PTPRZ1: variants seen among roughly 807,000 people sequenced by gnomAD.
PTPRZ1 encodes the protein receptor-type tyrosine-protein phosphatase zeta.
PTPRZ1 carries 82 observed loss-of-function variants against 214.1 expected under a neutral mutation model. The observed-to-expected ratio is 0.38, with a 90% CI of 0.32 to 0.46. The LOEUF is 0.46. PTPRZ1 is among the 20% of genes least tolerant of loss of function. The probability of loss-of-function intolerance (pLI) is 1.00; values close to 1 mark genes in which losing one functional copy is unlikely to be tolerated. For missense variants in PTPRZ1, 2,603 were observed against 2,748.7 expected (o/e 0.95, Z 1.19); for synonymous variants, 945 against 987.9 (o/e 0.96, Z 0.81).
intron 2 of PTPRZ1, among the ~76,000 whole-genome samples, chr7:121,931,438 T>G (rs1328657852): frequency 6.6e-6 from 1 of 152,132 alleles, no homozygotes; most frequent in Non-Finnish European, 1.5e-5. Context: ...CAAACTTTAA[T>G]GCACCCTCCA....
At chr7:122,022,461 A>C (rs951632089) in intron 13 of PTPRZ1, among the ~76,000 whole-genome samples, 8 of 152,224 alleles carry the variant, frequency 5.3e-5, no homozygotes, top group African/African-American at 1.9e-4. Context: ...GGGAGAAGGC[A>C]GAAGGAAGAA....
intron 13 of PTPRZ1, 87 bp from the exon 14 acceptor site, chr7:122,028,465 G>T (rs900409231): frequency 8.2e-6 from 8 of 980,434 alleles, no homozygotes; most frequent in Non-Finnish European, 1.1e-5. Context: ...TAATTCTGGA[G>T]ATTTCTATCA....
rs111392652 is a variant in PTPRZ1 at position 121,905,918 on chromosome 7, A to G, written c.59-22238A>G. 2.5e-3 allele frequency among the ~76,000 whole-genome samples: 377 copies of G among 152,258 alleles called. 1 individual carries two copies. Among genetic ancestry groups the G allele is most frequent in the African/African-American group, 8.4e-3 (351 of 41,552 alleles). On this transcript the variant is annotated intron_variant, in intron 1 of 29. Coordinates refer to ENST00000393386, the MANE Select transcript of PTPRZ1 (RefSeq NM_002851.3). Reference sequence around the variant, plus strand: ...GTTTTTGGCATAATTTACAAGAGGCACTGATGATAGTGAGTACAAGTAGGT... The same window carrying G: ...GTTTTTGGCATAATTTACAAGAGGCGCTGATGATAGTGAGTACAAGTAGGT...
intron 1 of PTPRZ1, among the ~76,000 whole-genome samples, chr7:121,897,204 G>C (rs1447965312): frequency 1.3e-5 from 2 of 152,134 alleles, no homozygotes; most frequent in Non-Finnish European, 2.9e-5. Context: ...ATAAGTGGAA[G>C]GTAACAGAAC....
intron 21 of PTPRZ1, among the ~76,000 whole-genome samples, chr7:122,041,424 G>A (rs1799730019): frequency 6.7e-6 from 1 of 149,932 alleles, no homozygotes; most frequent in Admixed American, 6.6e-5. Context: ...GAGAAATTTG[G>A]CAAAATATAT....
chr7:121,954,294 G>C (rs966076154), intron 2 of PTPRZ1, among the ~76,000 whole-genome samples: 1 of 152,016 alleles, frequency 6.6e-6, no homozygotes, highest in African/African-American at 2.4e-5. Context: ...TAAAGCCCTT[G>C]TTCTGGCATG....
At position 122,016,818 on chromosome 7, in the gene PTPRZ1, G is replaced by T. The variant is rs942160966; in HGVS notation, c.4844-2306G>T. ...GCTTTGAAAATTTGTGGCTATTGAA[G>T]ACCTGCATAATTATATAAGCTTACT... On this transcript the variant is annotated intron_variant, in intron 12 of 29. Transcript: ENST00000393386. 4.6e-5 allele frequency among the ~76,000 whole-genome samples: 7 copies of T among 151,726 alleles called. No homozygotes were observed. The East Asian group carries it at 1.4e-3, about 29-fold the overall frequency.
intron 12 of PTPRZ1, among the ~76,000 whole-genome samples, chr7:122,017,805 C>A (rs543328722): frequency 6.6e-6 from 1 of 151,978 alleles, no homozygotes; most frequent in African/African-American, 2.4e-5. Flanking sequence ...CTCCTGACCT[C>A]AAGTGATCCG....
chr7:122,002,517 T>C (rs2116629736), intron 10 of PTPRZ1, among the ~76,000 whole-genome samples: 1 of 152,272 alleles, frequency 6.6e-6, no homozygotes, highest in South Asian at 2.1e-4. Flanking sequence ...TTTACTAGAA[T>C]AGAAACCATA....
At chr7:121,917,541 A>T (rs28627590) in intron 1 of PTPRZ1, among the ~76,000 whole-genome samples, 21,524 of 152,178 alleles carry the variant, frequency 0.14, 1,581 homozygotes, top group East Asian at 0.21. Flanking sequence ...TCACTATTGA[A>T]AGAAAAAACC....
chr7:121,978,052 T>A (rs1000933728), intron 6 of PTPRZ1, among the ~76,000 whole-genome samples: 2 of 152,298 alleles, frequency 1.3e-5, no homozygotes, highest in African/African-American at 4.8e-5. Flanking sequence ...CTTTACTTTT[T>A]GGGGGTGCCT....
At chr7:121,955,178 A>C (rs1198259825) in intron 2 of PTPRZ1, among the ~76,000 whole-genome samples, 1 of 152,222 alleles carries the variant, frequency 6.6e-6, no homozygotes, top group Non-Finnish European at 1.5e-5. Flanking sequence ...GTCATGCCCC[A>C]TATCTATAAT....
chr7:122,005,797 T>G (rs1446202777), intron 11 of PTPRZ1, among the ~76,000 whole-genome samples: 1 of 152,072 alleles, frequency 6.6e-6, no homozygotes, highest in Non-Finnish European at 1.5e-5. Context: ...TTAAATGATA[T>G]TCTGTTTAAG....
At chr7:121,929,754 G>A (rs375042674) in intron 2 of PTPRZ1, among the ~76,000 whole-genome samples, 4 of 151,478 alleles carry the variant, frequency 2.6e-5, no homozygotes, top group Admixed American at 2.0e-4. Flanking sequence ...GTTGCAGTGA[G>A]CCGAGATCAC....
intron 10 of PTPRZ1, among the ~76,000 whole-genome samples, chr7:121,999,804 A>G (rs555634433): frequency 2.0e-5 from 3 of 152,218 alleles, no homozygotes; most frequent in African/African-American, 7.2e-5. Context: ...TTTCTGAGTG[A>G]TCCTGTTAGA....
At chr7:121,946,491 C>T (rs184317413) in intron 2 of PTPRZ1, among the ~76,000 whole-genome samples, 18 of 152,050 alleles carry the variant, frequency 1.2e-4, no homozygotes, top group Non-Finnish European at 1.5e-5. Flanking sequence ...AGACAACTGA[C>T]AACAAAGTAG....
At chr7:121,889,130 G>A (rs1159488031) in intron 1 of PTPRZ1, among the ~76,000 whole-genome samples, 3 of 104,632 alleles carry the variant, frequency 2.9e-5, no homozygotes, top group East Asian at 3.4e-4. Context: ...TTTAAAAAAA[G>A]TATTTAAAAT....
intron 6 of PTPRZ1, among the ~76,000 whole-genome samples, chr7:121,978,189 C>G (rs796152977): frequency 6.6e-6 from 1 of 152,200 alleles, no homozygotes; most frequent in Admixed American, 6.5e-5. Flanking sequence ...TACATATTCT[C>G]TCCCTTTCTG....
intron 26 of PTPRZ1, among the ~76,000 whole-genome samples, chr7:122,054,604 T>G (rs1792293391): frequency 6.6e-6 from 1 of 152,108 alleles, no homozygotes; most frequent in Admixed American, 6.6e-5. Context: ...ATAAAGTTAT[T>G]GTGTGACCAT....
Sources: gnomAD v4.1 joint callset for allele counts (sites outside exome capture counted in the v4.1 genomes callset) on GRCh38, gnomAD v4.1.1 for gene constraint, MANE v1.5 for transcripts, NCBI Gene and HGNC (gene_info 2026-07-23, HGNC 2026-07-21) for gene names.